MYNN: variants seen among roughly 807,000 people sequenced by gnomAD.
MYNN encodes myoneurin.
A neutral mutation model predicts 57.2 loss-of-function variants in MYNN; 22 were observed. The observed-to-expected ratio is 0.38, with a 90% confidence interval of 0.27 to 0.55. The LOEUF is 0.55. MYNN is among the 20% of genes least tolerant of loss of function. The probability of loss-of-function intolerance (pLI) is 0.71; values close to 1 mark genes in which losing one functional copy is unlikely to be tolerated. For synonymous variants in MYNN, 241 were observed against 257.1 expected, an observed-to-expected ratio of 0.94 and a Z score of 0.60; for missense variants, 566 against 723.1, an observed-to-expected ratio of 0.78 and a Z score of 2.49.
chr3:169,785,237 C>G (rs866859871), intron 7 of MYNN, among the ~76,000 whole-genome samples: 3 of 151,974 alleles, frequency 2.0e-5, no homozygotes, highest in Admixed American at 1.3e-4. Context: ...CTGTGCTTAC[C>G]ATTTTATTCC....
At chr3:169,786,226 G>C (rs1778672976) in intron 7 of MYNN, among the ~76,000 whole-genome samples, 190 bp from the exon 8 acceptor site, 1 of 152,040 alleles carries the variant, frequency 6.6e-6, no homozygotes, top group Non-Finnish European at 1.5e-5. Flanking sequence ...GTTGGTGCTT[G>C]AACTTAACCT....
At chr3:169,777,342 A>G (rs1778377732) in intron 2 of MYNN, 1 of 152,124 alleles carries the variant, frequency 6.6e-6, no homozygotes, top group African/African-American at 2.4e-5. Flanking sequence ...TATCACCAGC[A>G]CTATATTTAC....
intron 7 of MYNN, 144 bp from the exon 8 acceptor site, chr3:169,786,272 G>T: frequency 1.5e-6 from 1 of 677,610 alleles, no homozygotes; most frequent in Non-Finnish European, 2.5e-6. Context: ...ATAGTGAGGA[G>T]GGCATATGTA....
intron 7 of MYNN, among the ~76,000 whole-genome samples, chr3:169,785,843 T>G: frequency 6.6e-6 from 1 of 152,046 alleles, no homozygotes; most frequent in Non-Finnish European, 1.5e-5. Flanking sequence ...AAAGTACATC[T>G]TTAGTCAGTG....
At chr3:169,783,686 A>G (rs781180971) in intron 6 of MYNN, 126 bp downstream of exon 6, 7 of 752,650 alleles carry the variant, frequency 9.3e-6, no homozygotes, top group African/African-American at 1.7e-5. Context: ...CAATATCTTA[A>G]TGTATAAATA....
chr3:169,779,182 A>G lies in MYNN; in HGVS notation c.681A>G (p.Ala227=). Residue 227 remains alanine (A), a synonymous_variant, in exon 3 of 8, where the codon GCA becomes GCG. Coordinates refer to ENST00000349841, the MANE Select transcript of MYNN (RefSeq NM_018657.5). ...KLPTPVVEQV[A]QINDNSELEL... ...CCACACCTGTAGTAGAACAAGTTGC[A>G]CAAATAAATGATAATTCAGAACTCG... 6.2e-7 allele frequency: 1 copy of G among 1,614,220 alleles called. No individual in the cohort carries two copies. The highest frequency in any genetic ancestry group is 1.7e-5 in the Admixed American group (1 of 60,032).
At chr3:169,781,787 T>C (rs1322835896) in intron 4 of MYNN, among the ~76,000 whole-genome samples, 1 of 152,136 alleles carries the variant, frequency 6.6e-6, no homozygotes, top group African/African-American at 2.4e-5. Flanking sequence ...GACAAAAGTA[T>C]CATTAGTAGA....
In MYNN at chr3:169,774,521, C is replaced by T. The variant is rs865811351; in HGVS notation, c.226C>T (p.Leu76=). ...SQVKADGFQK[L]LEFIYTGTLN... ...GGTGAAGGCTGATGGATTTCAGAAA[C>T]TGTTGGAGTTTATATACACAGGAAC... The change falls in exon 2 of 8, where the codon CTG becomes TTG. Residue 76 remains leucine, a synonymous_variant. Coordinates refer to ENST00000349841, the MANE Select transcript of MYNN (RefSeq NM_018657.5). 6.2e-7 allele frequency: 1 copy of T among 1,614,006 alleles called. No homozygotes were observed. The highest frequency in any genetic ancestry group is 8.5e-7 in the Non-Finnish European group (1 of 1,179,968).
chr3:169,774,436 G>A lies in MYNN; in HGVS notation c.141G>A (p.Glu47=), dbSNP rs1318687116. ...GGAATGTGCTGGCCTCCTTTAGTGA[G>A]TATTTTGGTGCGATCTACAGAAGCA... is the stretch of plus-strand genomic sequence containing the variant. The part of the protein sequence containing the change: ...AHRNVLASFS[E]YFGAIYRSTS... The change falls in exon 2 of 8, where the codon GAG becomes GAA. Residue 47 remains glutamate, a synonymous_variant. Transcript: ENST00000349841. 2.4e-5 allele frequency: 38 copies of A among 1,614,160 alleles called. No homozygotes were observed. The highest frequency in any genetic ancestry group is 3.2e-5 in the Non-Finnish European group (38 of 1,180,030).
chr3:169,774,065 G>T, intron 1 of MYNN, 200 bp from the exon 2 acceptor site: 1 of 484,728 alleles, frequency 2.1e-6, no homozygotes, highest in Non-Finnish European at 3.7e-6. Flanking sequence ...GTCACTTATT[G>T]ATGTGTCCAA....
In MYNN at chr3:169,786,900, G is replaced by A. The variant is rs995056431; in HGVS notation, c.*222G>A. ...AGCTTTTTAAGTAATGAATTATGTA[G>A]CACTATTTTGGGTGGATGAGTTTTA... On this transcript the variant is annotated 3_prime_UTR_variant, in exon 8 of 8. Transcript: ENST00000349841. 4 of 473,402 alleles carry A rather than the reference G, an allele frequency of 8.4e-6. No individual in the cohort carries two copies. Among genetic ancestry groups the A allele is most frequent in the Non-Finnish European group, 1.5e-5 (4 of 263,858 alleles). The allele number at this position is 473,402 out of a possible 1,614,324, so 29.3% of individuals were successfully genotyped here. A position where few individuals can be genotyped will look rare whatever the true frequency, so the allele number is the denominator to read the frequency against.
At chr3:169,776,147 G>C (rs1778334987) in intron 2 of MYNN, among the ~76,000 whole-genome samples, 2 of 152,204 alleles carry the variant, frequency 1.3e-5, no homozygotes, top group Admixed American at 6.5e-5. Context: ...ATACACGGTA[G>C]AGCACTTTTC....
chr3:169,778,695 A>T lies in MYNN; in HGVS notation c.267-73A>T, dbSNP rs541193206. On this transcript the variant is annotated intron_variant, in intron 2 of 7. Coordinates refer to ENST00000349841, the MANE Select transcript of MYNN (RefSeq NM_018657.5). ...TCATTAGGTCTTTAAAATACATTGA[A>T]GTATATATGCAGCTCTGTTTCGAAA... 6.2e-5 allele frequency: 70 copies of T among 1,129,082 alleles called. 1 individual carries two copies. The South Asian group carries it at 1.1e-3, about 17-fold the overall frequency. The allele number at this position is 1,129,082 out of a possible 1,614,324, so 69.9% of individuals were successfully genotyped here.
chr3:169,773,930 G>A (rs899586451), intron 1 of MYNN: 10 of 213,160 alleles, frequency 4.7e-5, no homozygotes, highest in African/African-American at 2.1e-4. Flanking sequence ...ATGTCTTAGT[G>A]GTTTAAAAAA....
chr3:169,777,485 G>A (rs1442058406), intron 2 of MYNN: 2 of 152,008 alleles, frequency 1.3e-5, no homozygotes, highest in Non-Finnish European at 2.9e-5. Flanking sequence ...TAAGGGGTGT[G>A]TGTGTGTGTG....
At chr3:169,783,717 GT>G (rs564304020) in intron 6 of MYNN, 157 bp downstream of exon 6, 1,225 of 568,766 alleles carry the variant, frequency 2.2e-3, no homozygotes, top group Admixed American at 3.2e-3. Flanking sequence ...TGCTTATTTT[GT>G]TTTTTTTTTA....
rs368204978 is a variant in MYNN, at chr3:169,779,492, G to A, written c.991G>A (p.Val331Ile). 8.6e-5 allele frequency: 139 copies of A among 1,614,196 alleles called. No homozygotes were observed. In the African/African-American group the frequency reaches 1.4e-3, roughly 16 times the overall value. Residue 331 changes from valine (V) to isoleucine (I), a missense_variant, in exon 3 of 8, where the codon GTC becomes ATC. Physicochemically the swap from Val to Ile is conservative, Grantham distance 29. Around this residue, in one of 4 missense-constraint regions of MYNN, gnomAD observed 123 missense variants for 222.6 expected, o/e 0.55. Coordinates refer to ENST00000349841, the MANE Select transcript of MYNN (RefSeq NM_018657.5). ...MRIHKGVKPY[V>I]CHLCGKAFTQ... ...AATACATAAAGGAGTCAAACCTTAC[G>A]TCTGCCACTTATGTGGAAAGGCATT...
rs1778442632 is a variant in MYNN at position 169,779,342 on chromosome 3, A to C, written c.841A>C (p.Lys281Gln). 6.2e-7 allele frequency: 1 copy of C among 1,614,112 alleles called. No individual in the cohort carries two copies. Among genetic ancestry groups the C allele is most frequent in the Admixed American group, 1.7e-5 (1 of 60,012 alleles). The part of the protein sequence containing the change: ...EHSMSNIASV[K>Q]SPYEAENSGE... ...CTCTATGTCTAATATAGCCAGCGTC[A>C]AGAGTCCTTATGAGGCGGAGAACTC... Residue 281 changes from lysine (K) to glutamine (Q), a missense_variant, in exon 3 of 8, where the codon AAG becomes CAG. Around this residue, in one of 4 missense-constraint regions of MYNN, gnomAD observed 261 missense variants for 280.8 expected, o/e 0.93. Transcript: ENST00000349841.
chr3:169,778,760 C>T lies in MYNN; in HGVS notation c.267-8C>T, dbSNP rs1778424733. Reference sequence around the variant, plus strand: ...AGAATATTGTCATGTAGCCTTGTTTCCTTGCAGTTGGAATGTTAAAGAAAT... The same window carrying T: ...AGAATATTGTCATGTAGCCTTGTTTTCTTGCAGTTGGAATGTTAAAGAAAT... On this transcript the variant is annotated splice_polypyrimidine_tract_variant and splice_region_variant and intron_variant, in intron 2 of 7. Coordinates refer to ENST00000349841, the MANE Select transcript of MYNN (RefSeq NM_018657.5). 6.3e-7 allele frequency: 1 copy of T among 1,575,972 alleles called. No individual in the cohort carries two copies. The highest frequency in any genetic ancestry group is 1.2e-5 in the South Asian group (1 of 84,356).
Sources: allele counts gnomAD v4.1 joint callset (sites outside exome capture counted in the v4.1 genomes callset), GRCh38; gene constraint gnomAD v4.1.1; regional missense constraint gnomAD v4.1.1; transcripts MANE v1.5; gene names NCBI Gene and HGNC (gene_info 2026-07-23, HGNC 2026-07-21).